The following RBFOX2 variants were observed in gnomAD, a reference collection of about 807,000 sequenced individuals.
RBFOX2 encodes the protein RNA binding fox-1 homolog 2.
In RBFOX2, 10 loss-of-function variants were observed where a neutral mutation model predicts 49.1. The observed-to-expected ratio is 0.20, with a 90% CI of 0.13 to 0.35. RBFOX2 has a LOEUF of 0.35. Among genes scored for constraint, RBFOX2 ranks in the 10% least tolerant of loss-of-function variants. The pLI is 1.00. For synonymous variants in RBFOX2, 183 were observed against 187.4 expected, an observed-to-expected ratio of 0.98 and a Z score of 0.19; for missense variants, 323 against 486.9, an observed-to-expected ratio of 0.66 and a Z score of 3.17.
At chr22:35,756,258 A>C in intron 9 of RBFOX2, 114 bp from the exon 11 acceptor site, 7 of 875,812 alleles carry the variant, frequency 8.0e-6, no homozygotes, top group Non-Finnish European at 1.1e-5. Flanking sequence ...GTGATGTATG[A>C]ATACATAACC....
intron 1 of RBFOX2, among the ~76,000 whole-genome samples, chr22:35,913,959 T>C (rs2050120862): frequency 6.6e-6 from 1 of 152,200 alleles, no homozygotes; most frequent in Non-Finnish European, 1.5e-5. Context: ...TTTCAGGTGA[T>C]GGAGGAATCC....
intron 2 of RBFOX2, among the ~76,000 whole-genome samples, chr22:35,782,994 C>G (rs1408025377): frequency 1.3e-5 from 2 of 152,132 alleles, no homozygotes; most frequent in Non-Finnish European, 2.9e-5. Flanking sequence ...ACTGTATGTG[C>G]CTGCACTCTG....
At chr22:36,014,891 G>A (rs947737361) in intron 1 of RBFOX2, among the ~76,000 whole-genome samples, 8 of 152,162 alleles carry the variant, frequency 5.3e-5, no homozygotes, top group African/African-American at 1.7e-4. Flanking sequence ...TAATGCTTAC[G>A]TATGAAGGTA....
At chr22:36,010,732 T>TACACACACACACACACAC (rs34495987) in intron 1 of RBFOX2, among the ~76,000 whole-genome samples, 1 of 136,968 alleles carries the variant, frequency 7.3e-6, no homozygotes, top group Non-Finnish European at 1.6e-5. Flanking sequence ...TACTGTTCAG[T>TACACACACACACACACAC]ACACACACAC....
At chr22:35,838,264 C>CTT (rs527350781) in intron 1 of RBFOX2, among the ~76,000 whole-genome samples, 20,132 of 142,598 alleles carry the variant, frequency 0.14, 2,975 homozygotes, top group African/African-American at 0.38. Flanking sequence ...TATTTCTTTT[C>CTT]TTTTTTTTTT....
chr22:35,904,394 G>A lies in RBFOX2; in HGVS notation c.-34+34453C>T, dbSNP rs147586775. 1.6e-4 allele frequency among the ~76,000 whole-genome samples: 24 copies of A among 152,188 alleles called. No homozygotes were observed. In the East Asian group the frequency reaches 3.5e-3, roughly 22 times the overall value. ...CAACTGAAATCTTCTACTATGAAAC[G>A]CTTTATCCTTTGACTTTTTGTTAGG... On this transcript the variant is annotated intron_variant, in intron 1 of 13. Transcript: ENST00000359369.
intron 1 of RBFOX2, among the ~76,000 whole-genome samples, chr22:35,991,460 A>G (rs1258539119): frequency 6.6e-6 from 1 of 152,232 alleles, no homozygotes; most frequent in Non-Finnish European, 1.5e-5. Context: ...AAAAAAAATT[A>G]GTCCAAAGAA....
chr22:35,842,854 T>C (rs1005136984), upstream of RBFOX2, among the ~76,000 whole-genome samples: 11 of 152,076 alleles, frequency 7.2e-5, no homozygotes, highest in African/African-American at 2.7e-4. Context: ...GGTCCCCACA[T>C]GCAAAAAGTC....
intron 1 of RBFOX2, among the ~76,000 whole-genome samples, chr22:36,014,388 G>C (rs1366181896): frequency 6.6e-6 from 1 of 152,160 alleles, no homozygotes; most frequent in African/African-American, 2.4e-5. Flanking sequence ...GGGATTACAA[G>C]CGTGAGCCAC....
upstream of RBFOX2, among the ~76,000 whole-genome samples, chr22:35,964,320 C>T (rs956108494): frequency 6.6e-6 from 1 of 152,118 alleles, no homozygotes; most frequent in Non-Finnish European, 1.5e-5. Flanking sequence ...CAAAGTCATA[C>T]TTTTTATGTA....
chr22:35,794,083 A>C (rs986621433), intron 2 of RBFOX2, among the ~76,000 whole-genome samples: 14 of 152,160 alleles, frequency 9.2e-5, no homozygotes, highest in Admixed American at 7.9e-4. Context: ...AAAACTTTAT[A>C]CCTGAGTGAT....
chr22:35,973,758 A>C (rs2057003290), intron 1 of RBFOX2, among the ~76,000 whole-genome samples: 2 of 152,224 alleles, frequency 1.3e-5, no homozygotes, highest in African/African-American at 4.8e-5. Context: ...ATCCAGAAGA[A>C]GAGAAAATTA....
chr22:35,805,295 A>AAG (rs1569187582), intron 2 of RBFOX2, among the ~76,000 whole-genome samples: 19 of 149,544 alleles, frequency 1.3e-4, no homozygotes, highest in Admixed American at 9.3e-4. Flanking sequence ...GTCTCAAAAA[A>AAG]AAAAAAAAAA....
At position 35,777,933 on chromosome 22, in the gene RBFOX2, A is replaced by C. The variant is rs901770035; in HGVS notation, c.453+92T>G. On this transcript the variant is annotated intron_variant, in intron 4 of 11. Coordinates refer to ENST00000405409, the Ensembl canonical transcript of RBFOX2. ...ATTAGGATACTTTTATGCAGGCTTG[A>C]AAACAGCTTATGTTTTCTGAATACT... 20 of 1,321,406 alleles carry C rather than the reference A, an allele frequency of 1.5e-5. No individual in the cohort carries two copies. In the African/African-American group the frequency reaches 2.8e-4, roughly 19 times the overall value. 81.9% of individuals were successfully genotyped at this position (1,321,406 alleles called of 1,614,324 possible). A position where few individuals can be genotyped will look rare whatever the true frequency, so the allele number is the denominator to read the frequency against.
At chr22:35,849,260 C>G (rs1184356295) in intron 1 of RBFOX2, among the ~76,000 whole-genome samples, 1 of 150,560 alleles carries the variant, frequency 6.6e-6, no homozygotes, top group African/African-American at 2.5e-5. Flanking sequence ...TTGTCCAGCC[C>G]ACCTGGTTCA....
chr22:36,010,518 C>T (rs1050297672), intron 1 of RBFOX2, among the ~76,000 whole-genome samples: 1 of 152,060 alleles, frequency 6.6e-6, no homozygotes, highest in Non-Finnish European at 1.5e-5. Context: ...CACAACCCCA[C>T]TGGCCTCATT....
intron 1 of RBFOX2, among the ~76,000 whole-genome samples, chr22:35,893,730 T>C (rs2047521004): frequency 6.6e-6 from 1 of 152,192 alleles, no homozygotes; most frequent in Admixed American, 6.5e-5. Flanking sequence ...CACACATACA[T>C]ATACATCTTC....
At chr22:35,857,066 T>C (rs2042597107) in intron 1 of RBFOX2, among the ~76,000 whole-genome samples, 1 of 152,092 alleles carries the variant, frequency 6.6e-6, no homozygotes, top group Admixed American at 6.6e-5. Context: ...TATGCAAGAC[T>C]GACTGACTAA....
chr22:35,792,748 C>T (rs1414844289), intron 2 of RBFOX2, among the ~76,000 whole-genome samples: 1 of 152,156 alleles, frequency 6.6e-6, no homozygotes, highest in Non-Finnish European at 1.5e-5. Flanking sequence ...GGCTCACACT[C>T]CCTAAACACA....
Sources: allele counts gnomAD v4.1 joint callset (sites outside exome capture counted in the v4.1 genomes callset), GRCh38; gene constraint gnomAD v4.1.1; transcripts MANE v1.5; gene names NCBI Gene and HGNC (gene_info 2026-07-23, HGNC 2026-07-21).